DIP2C: variants seen among roughly 807,000 people sequenced by gnomAD.
The protein encoded by DIP2C is disco-interacting protein 2 homolog C.
A neutral mutation model predicts 192.4 loss-of-function variants in DIP2C; 33 were observed. That is an observed-to-expected ratio of 0.17 (90% CI 0.13 to 0.23). The LOEUF is 0.23. DIP2C is among the 10% of genes least tolerant of loss of function. DIP2C has a pLI of 1.00. For missense variants in DIP2C, 1,537 were observed against 2,110.1 expected, an observed-to-expected ratio of 0.73 and a Z score of 5.32; for synonymous variants, 979 against 864.1, an observed-to-expected ratio of 1.13 and a Z score of -2.33.
chr10:390,630 T>G, intron 11 of DIP2C, 110 bp downstream of exon 11: 1 of 1,508,732 alleles, frequency 6.6e-7, no homozygotes, highest in Non-Finnish European at 8.9e-7. Flanking sequence ...GGTCTGTGAC[T>G]GACGTTTCAT....
At chr10:617,339 G>A (rs1298797307) in intron 1 of DIP2C, among the ~76,000 whole-genome samples, 3 of 152,144 alleles carry the variant, frequency 2.0e-5, no homozygotes, top group African/African-American at 7.2e-5. Context: ...ACCCCACTCA[G>A]CTGTGATGTG....
At chr10:543,988 CGT>C (rs150690585) in intron 1 of DIP2C, among the ~76,000 whole-genome samples, 2,378 of 152,364 alleles carry the variant, frequency 0.016, 67 homozygotes, top group African/African-American at 0.054. Flanking sequence ...GGACGCCTGT[CGT>C]GAGTGGGCAC....
At position 573,861 on chromosome 10, in the gene DIP2C, A is replaced by T. The variant is rs142629291; in HGVS notation, c.86-87331T>A. 2.4e-3 allele frequency among the ~76,000 whole-genome samples: 363 copies of T among 152,342 alleles called. 4 individuals carry two copies. The highest frequency in any genetic ancestry group is 8.2e-3 in the African/African-American group (343 of 41,580). The stretch of plus-strand genomic sequence containing the variant: ...AAATGAAATGCCAAGAATAAAATGT[A>T]TTTTATTCACAGAAGCAGCATTCTT... On this transcript the variant is annotated intron_variant, in intron 1 of 36. Transcript: ENST00000280886.
At chr10:377,492 A>G (rs987308340) in intron 17 of DIP2C, among the ~76,000 whole-genome samples, 2 of 152,220 alleles carry the variant, frequency 1.3e-5, no homozygotes, top group Admixed American at 6.5e-5. Flanking sequence ...CGTGATTTTC[A>G]TCTCGAAACT....
intron 1 of DIP2C, among the ~76,000 whole-genome samples, chr10:578,398 T>C (rs377479938): frequency 3.3e-5 from 5 of 152,328 alleles, no homozygotes; most frequent in African/African-American, 1.2e-4. Flanking sequence ...AGTTGTGATA[T>C]GGAAAGCTAG....
chr10:507,077 G>T (rs1199720001), intron 1 of DIP2C, among the ~76,000 whole-genome samples: 1 of 152,084 alleles, frequency 6.6e-6, no homozygotes, highest in Non-Finnish European at 1.5e-5. Context: ...TGAGGTCACA[G>T]ACCCGGTCAC....
At chr10:681,902 C>T (rs1325033537) in intron 1 of DIP2C, among the ~76,000 whole-genome samples, 1 of 152,190 alleles carries the variant, frequency 6.6e-6, no homozygotes, top group East Asian at 1.9e-4. Flanking sequence ...TGGAGGGCCC[C>T]CCAACACTCA....
chr10:352,021 C>T (rs1958836746), intron 24 of DIP2C, among the ~76,000 whole-genome samples: 1 of 152,246 alleles, frequency 6.6e-6, no homozygotes. Context: ...AGCTCAGCCC[C>T]CGCCCCGCTG....
chr10:504,620 C>A (rs1767627218), intron 1 of DIP2C, among the ~76,000 whole-genome samples: 1 of 152,180 alleles, frequency 6.6e-6, no homozygotes, highest in Admixed American at 6.5e-5. Flanking sequence ...GAGAGAAGCA[C>A]CCACGGGCTC....
At chr10:559,322 T>G (rs1362045246) in intron 1 of DIP2C, among the ~76,000 whole-genome samples, 2 of 150,634 alleles carry the variant, frequency 1.3e-5, no homozygotes, top group Admixed American at 1.3e-4. Flanking sequence ...ATGGGGGCGG[T>G]GGGGAACGCC....
intron 17 of DIP2C, among the ~76,000 whole-genome samples, chr10:375,952 G>C (rs887555034): frequency 6.6e-6 from 1 of 152,184 alleles, no homozygotes. Context: ...AGAAGAAAGA[G>C]TTAAGCTGCA....
chr10:655,448 G>T (rs1588692833), intron 1 of DIP2C, among the ~76,000 whole-genome samples: 2 of 152,046 alleles, frequency 1.3e-5, no homozygotes, highest in South Asian at 4.2e-4. Context: ...AATAGTCACT[G>T]CCATCTCTGT....
At chr10:396,748 G>T (rs973609481) in intron 10 of DIP2C, among the ~76,000 whole-genome samples, 2 of 151,200 alleles carry the variant, frequency 1.3e-5, no homozygotes, top group Non-Finnish European at 2.9e-5. Flanking sequence ...AAGACCATGG[G>T]ACCCAGGGGA....
intron 35 of DIP2C, 78 bp from the exon 36 acceptor site, chr10:281,401 TA>T: frequency 1.5e-6 from 2 of 1,373,364 alleles, no homozygotes; most frequent in Non-Finnish European, 9.7e-7. Flanking sequence ...AAAAAAAGAT[TA>T]AAAACGACCC....
chr10:679,583 G>A (rs1465348610), intron 1 of DIP2C, among the ~76,000 whole-genome samples: 5 of 74,060 alleles, frequency 6.8e-5, no homozygotes, highest in East Asian at 4.6e-4. Flanking sequence ...CCCCACCCAT[G>A]CTCCCCACAC....
chr10:566,569 T>C (rs1181263368), intron 1 of DIP2C, among the ~76,000 whole-genome samples: 1 of 152,200 alleles, frequency 6.6e-6, no homozygotes, highest in Non-Finnish European at 1.5e-5. Flanking sequence ...AGGAGACAGG[T>C]GTCAGCACCT....
At chr10:612,636 C>T (rs1853172707) in intron 1 of DIP2C, among the ~76,000 whole-genome samples, 2 of 152,134 alleles carry the variant, frequency 1.3e-5, no homozygotes, top group Non-Finnish European at 2.9e-5. Flanking sequence ...AGATGGGATC[C>T]CAGGTTCCAA....
At chr10:431,793 G>A (rs1387943919) in intron 4 of DIP2C, among the ~76,000 whole-genome samples, 3 of 152,334 alleles carry the variant, frequency 2.0e-5, no homozygotes, top group East Asian at 3.9e-4. Flanking sequence ...GTGGTGAGAG[G>A]AGACATCCTT....
intron 1 of DIP2C, among the ~76,000 whole-genome samples, chr10:617,078 G>A (rs1853518501): frequency 6.6e-6 from 1 of 152,166 alleles, no homozygotes; most frequent in Non-Finnish European, 1.5e-5. Context: ...CACACAACGG[G>A]GTTCACAGGC....
Sources: gnomAD v4.1 joint callset for allele counts (sites outside exome capture counted in the v4.1 genomes callset) on GRCh38, gnomAD v4.1.1 for gene constraint, MANE v1.5 for transcripts, NCBI Gene and HGNC (gene_info 2026-07-23, HGNC 2026-07-21) for gene names.